Variants in ZNF354A observed in about 807,000 individuals in gnomAD.
ZNF354A encodes epididymis luminal protein 104.
Under a neutral mutation model 53.3 loss-of-function variants are expected in ZNF354A, and 25 were observed. The observed-to-expected ratio is 0.47, with a 90% CI of 0.34 to 0.66. ZNF354A has a LOEUF of 0.66. Ranked by LOEUF, ZNF354A falls within the 30% of genes least tolerant of loss-of-function variation. The probability of loss-of-function intolerance (pLI) is 0.01; values close to 1 mark genes in which losing one functional copy is unlikely to be tolerated. For synonymous variants in ZNF354A, 228 were observed against 249.0 expected (o/e 0.92, Z 0.79); for missense variants, 586 against 716.8 (o/e 0.82, Z 2.08).
intron 4 of ZNF354A, among the ~76,000 whole-genome samples, chr5:178,714,756 C>T (rs990191658): frequency 2.0e-5 from 3 of 152,018 alleles, no homozygotes; most frequent in African/African-American, 7.3e-5. Flanking sequence ...CATACACATA[C>T]ATACTTCATA....
chr5:178,727,464 G>A (rs1241512326), intron 2 of ZNF354A, among the ~76,000 whole-genome samples: 2 of 152,132 alleles, frequency 1.3e-5, no homozygotes, highest in African/African-American at 4.8e-5. Context: ...CTATTTGTAC[G>A]ATAATGAACA....
At chr5:178,729,793 C>T (rs577321749) in intron 1 of ZNF354A, among the ~76,000 whole-genome samples, 35 of 151,992 alleles carry the variant, frequency 2.3e-4, no homozygotes, top group African/African-American at 8.0e-4. Flanking sequence ...GTGATCTGCC[C>T]GCCTTGGCAT....
chr5:178,724,412 G>A (rs1296896261), intron 4 of ZNF354A, among the ~76,000 whole-genome samples: 1 of 151,758 alleles, frequency 6.6e-6, no homozygotes, highest in Non-Finnish European at 1.5e-5. Flanking sequence ...TTTAGTAGAG[G>A]CAGGGTTTTG....
intron 2 of ZNF354A, among the ~76,000 whole-genome samples, chr5:178,727,635 A>G (rs1264067882): frequency 6.6e-6 from 1 of 152,244 alleles, no homozygotes; most frequent in Non-Finnish European, 1.5e-5. Flanking sequence ...TAAAATAGCT[A>G]TAATTTATTG....
At chr5:178,729,839 G>GC (rs1765994752) in intron 1 of ZNF354A, among the ~76,000 whole-genome samples, 1 of 150,224 alleles carries the variant, frequency 6.7e-6, no homozygotes, top group Non-Finnish European at 1.5e-5. Context: ...GAGCCACCAC[G>GC]CCCGACCCCA....
intron 4 of ZNF354A, among the ~76,000 whole-genome samples, chr5:178,720,031 C>G (rs1765784198): frequency 6.6e-6 from 1 of 152,194 alleles, no homozygotes; most frequent in Admixed American, 6.5e-5. Context: ...CTGCTGGGAA[C>G]TGCACATAAA....
At chr5:178,726,005 G>A (rs185154060) in intron 3 of ZNF354A, 36 of 325,404 alleles carry the variant, frequency 1.1e-4, no homozygotes, top group African/African-American at 5.4e-4. Flanking sequence ...ATGCCACCAC[G>A]CCTAAGTTTT....
At chr5:178,714,420 G>A (rs55974982) in intron 4 of ZNF354A, among the ~76,000 whole-genome samples, 37,441 of 151,982 alleles carry the variant, frequency 0.25, 5,117 homozygotes, top group South Asian at 0.39. Flanking sequence ...GAGCAGCCAC[G>A]GTCCCTTCTC....
At chr5:178,715,359 C>T (rs549886377) in intron 4 of ZNF354A, among the ~76,000 whole-genome samples, 1 of 151,788 alleles carries the variant, frequency 6.6e-6, no homozygotes, top group Non-Finnish European at 1.5e-5. Context: ...ACTCTTCTTC[C>T]ATTCCTTCTT....
intron 3 of ZNF354A, 42 bp from the exon 4 acceptor site, chr5:178,725,513 G>C (rs1347750590): frequency 1.3e-6 from 2 of 1,591,444 alleles, no homozygotes; most frequent in African/African-American, 2.7e-5. Context: ...AATCAGACTT[G>C]GTTTTGTATT....
chr5:178,718,913 C>T (rs889045465), intron 4 of ZNF354A, among the ~76,000 whole-genome samples: 12 of 152,012 alleles, frequency 7.9e-5, no homozygotes, highest in Admixed American at 7.9e-4. Context: ...TTTTATCTTG[C>T]GTAGTGACAG....
Position 178,712,185 on chromosome 5 carries a change from G to A in ZNF354A, c.1693C>T (p.Arg565Cys), listed in dbSNP as rs754398741. The A allele has an allele frequency of 7.4e-6, 12 of 1,613,970 alleles. No homozygotes were observed. The highest frequency in any genetic ancestry group is 2.2e-5 in the South Asian group (2 of 91,074). ...GTATGAATTCTCTGATGTGCAATAC[G>A]TGATGAGCTTTGTCTAAAAGTTTTT... is the stretch of plus-strand genomic sequence containing the variant. ...CGKTFRQSSS[R>C]IAHQRIHTGE... The change falls in exon 5 of 5, where the codon CGT becomes TGT. Residue 565 changes from arginine (R) to cysteine (C), a missense_variant. This residue lies in a region of ZNF354A where 573 missense variants were observed against 680.1 expected (regional missense o/e 0.84). Transcript: ENST00000335815.
intron 4 of ZNF354A, among the ~76,000 whole-genome samples, chr5:178,720,224 A>G (rs1371349799): frequency 1.3e-5 from 2 of 152,256 alleles, no homozygotes; most frequent in African/African-American, 4.8e-5. Flanking sequence ...AGCCAGTTTC[A>G]ATAACCAGCA....
Position 178,712,191 on chromosome 5 carries a change from A to G in ZNF354A, c.1687T>C (p.Ser563Pro). 6.2e-7 allele frequency: 1 copy of G among 1,614,124 alleles called. No individual in the cohort carries two copies. The change falls in exon 5 of 5, where the codon TCA becomes CCA. Residue 563 changes from serine to proline, a missense_variant. By Grantham distance (74) the Ser-to-Pro change is moderately conservative. Coordinates refer to ENST00000335815, the MANE Select transcript of ZNF354A (RefSeq NM_005649.3). ...NTCGKTFRQS[S>P]SRIAHQRIHT... ...ATTCTCTGATGTGCAATACGTGATGAGCTTTGTCTAAAAGTTTTTCCACAT... is the reference window on the plus strand; with the variant it reads ...ATTCTCTGATGTGCAATACGTGATGGGCTTTGTCTAAAAGTTTTTCCACAT...
At chr5:178,728,861 T>C in intron 2 of ZNF354A, 129 bp downstream of exon 2, 2 of 1,333,026 alleles carry the variant, frequency 1.5e-6, no homozygotes, top group Non-Finnish European at 1.0e-6. Flanking sequence ...CCACCACTCA[T>C]GAGGGCGGAC....
At chr5:178,720,080 C>G (rs1341679467) in intron 4 of ZNF354A, among the ~76,000 whole-genome samples, 1 of 152,236 alleles carries the variant, frequency 6.6e-6, no homozygotes, top group Non-Finnish European at 1.5e-5. Context: ...TAAACATCCT[C>G]TATCATCTTT....
intron 4 of ZNF354A, among the ~76,000 whole-genome samples, chr5:178,722,339 G>A (rs769330185): frequency 3.3e-5 from 5 of 152,058 alleles, no homozygotes; most frequent in East Asian, 1.9e-4. Context: ...ACTTGTCATC[G>A]CCACTGGGAT....
At position 178,713,539 on chromosome 5, in the gene ZNF354A, G is replaced by T. The variant is rs781263091; in HGVS notation, c.339C>A (p.Asn113Lys). 6.2e-7 allele frequency: 1 copy of T among 1,611,444 alleles called. No individual in the cohort carries two copies. The highest frequency in any genetic ancestry group is 1.3e-5 in the African/African-American group (1 of 74,754). ...ATTTCAAATCCCAAGGTACATTCCT[G>T]TTGGATCTTTTCAGTATCAGTCCCT... ...SFQGLILKRS[N>K]RNVPWDLKLE... The change falls in exon 5 of 5, where the codon AAC (asparagine) becomes AAA (lysine). Residue 113 changes from asparagine (N) to lysine (K), a missense_variant. By Grantham distance (94) the Asn-to-Lys change is moderately conservative. Coordinates refer to ENST00000335815, the MANE Select transcript of ZNF354A (RefSeq NM_005649.3).
At position 178,713,587 on chromosome 5, in the gene ZNF354A, C is replaced by A. The variant is rs150133786; in HGVS notation, c.291G>T (p.Thr97=). 3.7e-5 allele frequency: 58 copies of A among 1,575,982 alleles called. No homozygotes were observed. The African/African-American group carries it at 7.6e-4, about 21-fold the overall frequency. The part of the protein sequence containing the change: ...SKSSHKTTKS[T]QTQDSSFQGL... ...CCTGAAATGAAGAGTCTTGTGTTTG[C>A]GTTGACTTTGTGGTTTTATGACTGC... Residue 97 remains threonine, a synonymous_variant, in exon 5 of 5, where the codon ACG becomes ACT. Coordinates refer to ENST00000335815, the MANE Select transcript of ZNF354A (RefSeq NM_005649.3).
Sources: allele counts gnomAD v4.1 joint callset (sites outside exome capture counted in the v4.1 genomes callset), GRCh38; gene constraint gnomAD v4.1.1; regional missense constraint gnomAD v4.1.1; transcripts MANE v1.5; gene names NCBI Gene and HGNC (gene_info 2026-07-23, HGNC 2026-07-21).